Variants in MEIOSIN observed in about 807,000 individuals in gnomAD.
MEIOSIN encodes the protein meiosis initiator.
MEIOSIN carries 18 observed loss-of-function variants against 23.4 expected under a neutral mutation model. That is an observed-to-expected ratio of 0.77 (90% CI 0.53 to 1.14). The LOEUF (loss-of-function observed/expected upper bound fraction) is 1.14, where lower values mean the gene tolerates loss of function less well. Ranked by LOEUF, MEIOSIN falls within the 50% of genes most tolerant of loss-of-function variation. The pLI is 0.00. For synonymous variants in MEIOSIN, 187 were observed against 100.6 expected (o/e 1.86, Z -5.14); for missense variants, 428 against 242.9 (o/e 1.76, Z -5.07).
At chr19:45,738,438 C>T (rs1968446166) in intron 2 of MEIOSIN, among the ~76,000 whole-genome samples, 1 of 152,164 alleles carries the variant, frequency 6.6e-6, no homozygotes, top group African/African-American at 2.4e-5. Flanking sequence ...GCCAACAGGG[C>T]AAAACCCCAT....
At chr19:45,756,111 T>C (rs756871151) in intron 8 of MEIOSIN, 33 bp downstream of exon 8, 4 of 701,706 alleles carry the variant, frequency 5.7e-6, no homozygotes, top group South Asian at 4.4e-5. Flanking sequence ...GAGTGAGTGG[T>C]GCTGAGGGGT....
intron 4 of MEIOSIN, among the ~76,000 whole-genome samples, chr19:45,747,799 G>A (rs1018508978): frequency 6.6e-6 from 1 of 152,196 alleles, no homozygotes; most frequent in Non-Finnish European, 1.5e-5. Context: ...GAGAAAGAGA[G>A]AGGGAGGGAT....
chr19:45,742,640 G>A (rs1043469929), intron 3 of MEIOSIN, among the ~76,000 whole-genome samples: 17 of 151,804 alleles, frequency 1.1e-4, no homozygotes, highest in Non-Finnish European at 1.6e-4. Context: ...TTAGCCAGGC[G>A]TGGTGTCAGG....
chr19:45,752,681 C>T (rs985429570), intron 5 of MEIOSIN, among the ~76,000 whole-genome samples: 3 of 152,056 alleles, frequency 2.0e-5, no homozygotes, highest in Non-Finnish European at 2.9e-5. Flanking sequence ...CACATTTAAT[C>T]GTCAGGACAA....
chr19:45,754,928 C>T (rs1968792076), intron 7 of MEIOSIN, among the ~76,000 whole-genome samples: 1 of 152,164 alleles, frequency 6.6e-6, no homozygotes, highest in Non-Finnish European at 1.5e-5. Context: ...ATGAGATCAG[C>T]GTCATTGTCT....
intron 3 of MEIOSIN, among the ~76,000 whole-genome samples, chr19:45,741,159 C>T (rs981871714): frequency 6.6e-6 from 1 of 152,018 alleles, no homozygotes; most frequent in Admixed American, 6.6e-5. Flanking sequence ...ACCAGTCTGG[C>T]CAACATGGTG....
rs1487590522 is a variant in MEIOSIN, at chr19:45,753,888, C to G, written c.556+100C>G. On this transcript the variant is annotated intron_variant, in intron 6 of 14. Coordinates refer to ENST00000457052, the MANE Select transcript of MEIOSIN (RefSeq NM_001310124.2). ...TTACTCTGGGGGCCTTCTCAGCACC[C>G]TGTGCCGGGGTTCAACTCCCAGCTC... 8 of 611,598 alleles carry G rather than the reference C, an allele frequency of 1.3e-5. No individual in the cohort carries two copies. The East Asian group carries it at 1.9e-4, about 15-fold the overall frequency. 37.9% of individuals were successfully genotyped at this position (611,598 alleles called of 1,614,324 possible).
chr19:45,742,802 A>G (rs1968529386), intron 3 of MEIOSIN, among the ~76,000 whole-genome samples: 2 of 152,052 alleles, frequency 1.3e-5, no homozygotes. Context: ...GTCTCAAAAC[A>G]AACAAACAAA....
At chr19:45,734,594 C>T (rs1968379339) in intron 1 of MEIOSIN, among the ~76,000 whole-genome samples, 1 of 151,600 alleles carries the variant, frequency 6.6e-6, no homozygotes, top group African/African-American at 2.4e-5. Flanking sequence ...GCCTTGACCT[C>T]CTGGGCTCAA....
chr19:45,752,256 C>A (rs961629820), intron 5 of MEIOSIN, among the ~76,000 whole-genome samples: 1 of 151,882 alleles, frequency 6.6e-6, no homozygotes, highest in African/African-American at 2.4e-5. Context: ...CTCTCTGTCG[C>A]CCAGACTAGA....
At position 45,764,291 on chromosome 19, in the gene MEIOSIN, C is replaced by A. The variant is rs1028710230; in HGVS notation, c.*173C>A. ...TAGCCCCAACCGCTGGGCACATTTG[C>A]CTGGAGCACCAGAGTCACCCACAGC... On this transcript the variant is annotated 3_prime_UTR_variant, in exon 15 of 15. Coordinates refer to ENST00000457052, the MANE Select transcript of MEIOSIN (RefSeq NM_001310124.2). The A allele has an allele frequency of 2.5e-6, 1 of 396,018 alleles. No homozygotes were observed. 24.5% of individuals were successfully genotyped at this position (396,018 alleles called of 1,614,324 possible).
At chr19:45,758,845 G>T in intron 9 of MEIOSIN, 33 bp from the exon 10 acceptor site, 2 of 700,494 alleles carry the variant, frequency 2.9e-6, no homozygotes, top group Non-Finnish European at 5.2e-6. Flanking sequence ...GTGATCTCTG[G>T]CCACACCCCT....
At chr19:45,756,393 G>T (rs988058118) in intron 8 of MEIOSIN, among the ~76,000 whole-genome samples, 2 of 152,094 alleles carry the variant, frequency 1.3e-5, no homozygotes, top group African/African-American at 4.8e-5. Context: ...CCTTCCTCAG[G>T]CCTGCAGCAT....
chr19:45,757,720 C>CA (rs1182281213), intron 9 of MEIOSIN, among the ~76,000 whole-genome samples: 1 of 152,096 alleles, frequency 6.6e-6, no homozygotes, highest in African/African-American at 2.4e-5. Flanking sequence ...GGGGTTTCAC[C>CA]ATGTTGGCCA....
intron 4 of MEIOSIN, among the ~76,000 whole-genome samples, chr19:45,747,842 G>A (rs998501117): frequency 3.3e-5 from 5 of 152,168 alleles, no homozygotes; most frequent in African/African-American, 1.2e-4. Context: ...GCTCACACCT[G>A]TAATACCAGC....
intron 5 of MEIOSIN, among the ~76,000 whole-genome samples, chr19:45,751,781 A>G (rs1361346918): frequency 1.3e-5 from 2 of 150,488 alleles, no homozygotes; most frequent in African/African-American, 2.5e-5. Flanking sequence ...CGCAGGCTGG[A>G]GTGCAGTGGC....
intron 2 of MEIOSIN, among the ~76,000 whole-genome samples, chr19:45,736,940 C>G (rs979379531): frequency 2.7e-5 from 4 of 148,872 alleles, no homozygotes; most frequent in Non-Finnish European, 5.9e-5. Flanking sequence ...ATGAACTCGG[C>G]TCTCTGCAAC....
chr19:45,744,702 G>A (rs1968562009), intron 3 of MEIOSIN, among the ~76,000 whole-genome samples: 1 of 150,150 alleles, frequency 6.7e-6, no homozygotes, highest in Non-Finnish European at 1.5e-5. Flanking sequence ...CCACCTCCCG[G>A]GTTCAAGGGA....
At chr19:45,742,720 C>T (rs950536784) in intron 3 of MEIOSIN, among the ~76,000 whole-genome samples, 2 of 151,986 alleles carry the variant, frequency 1.3e-5, no homozygotes, top group Non-Finnish European at 2.9e-5. Flanking sequence ...GAGGCGTAAT[C>T]CCGGGAGGCG....
Sources: gnomAD v4.1 joint callset for allele counts (sites outside exome capture counted in the v4.1 genomes callset) on GRCh38, gnomAD v4.1.1 for gene constraint, MANE v1.5 for transcripts, NCBI Gene and HGNC (gene_info 2026-07-23, HGNC 2026-07-21) for gene names.